Variants in ANKS1B observed in about 807,000 individuals in gnomAD.
ANKS1B encodes the protein ankyrin repeat and sterile alpha motif domain-containing protein 1B.
In ANKS1B, 36 loss-of-function variants were observed where a neutral mutation model predicts 148.3. That is an observed-to-expected ratio of 0.24 (90% confidence interval 0.19 to 0.32). ANKS1B has a LOEUF of 0.32. Ranked by LOEUF, ANKS1B falls within the 10% of genes least tolerant of loss-of-function variation. The pLI is 1.00. For missense variants in ANKS1B, 1,157 were observed against 1,542.6 expected, an observed-to-expected ratio of 0.75 and a Z score of 4.19; for synonymous variants, 542 against 560.8, an observed-to-expected ratio of 0.97 and a Z score of 0.47.
intron 9 of ANKS1B, among the ~76,000 whole-genome samples, chr12:99,624,988 A>C (rs1213596836): frequency 6.6e-6 from 1 of 152,168 alleles, no homozygotes; most frequent in Non-Finnish European, 1.5e-5. Context: ...AAAACATGGA[A>C]TCAACCCAGG....
Position 98,735,686 on chromosome 12 carries a change from G to A in ANKS1B, c.691-52C>T, listed in dbSNP as rs1260540958. 1.3e-5 allele frequency: 9 copies of A among 715,816 alleles called. No homozygotes were observed. In the African/African-American group the frequency reaches 1.4e-4, roughly 11 times the overall value. The allele number at this position is 715,816 out of a possible 1,614,324, so 44.3% of individuals were successfully genotyped here. On this transcript the variant is annotated intron_variant, in intron 9 of 9. Transcript: ENST00000341752. Reference sequence around the variant, plus strand: ...ATTCACTTAGTTTGTTCATGCATTTGTTTAATAAATATTGAGATGTACCAT... The same window carrying A: ...ATTCACTTAGTTTGTTCATGCATTTATTTAATAAATATTGAGATGTACCAT...
At chr12:98,902,684 C>G (rs571223024) in intron 17 of ANKS1B, among the ~76,000 whole-genome samples, 2 of 152,288 alleles carry the variant, frequency 1.3e-5, no homozygotes, top group South Asian at 4.1e-4. Flanking sequence ...ACCTCAGTTT[C>G]TGCATCTGTA....
intron 17 of ANKS1B, among the ~76,000 whole-genome samples, chr12:98,941,497 C>A (rs1267122413): frequency 2.6e-5 from 4 of 152,220 alleles, no homozygotes; most frequent in African/African-American, 9.6e-5. Flanking sequence ...GCCAACTCAA[C>A]CTTTTTGCTG....
intron 9 of ANKS1B, among the ~76,000 whole-genome samples, chr12:99,536,280 C>T (rs1048447487): frequency 6.6e-6 from 1 of 152,060 alleles, no homozygotes; most frequent in Non-Finnish European, 1.5e-5. Context: ...ATGTAGCACT[C>T]TGGTGGGGAT....
chr12:98,899,007 CCAT>C (rs936677313), intron 17 of ANKS1B, among the ~76,000 whole-genome samples: 121 of 152,214 alleles, frequency 7.9e-4, no homozygotes, highest in African/African-American at 2.8e-3. Context: ...ATCCAGGGGA[CCAT>C]GTTGAATATT....
intron 2 of ANKS1B, among the ~76,000 whole-genome samples, chr12:99,818,499 C>T (rs546137022): frequency 6.6e-6 from 1 of 151,788 alleles, no homozygotes; most frequent in African/African-American, 2.4e-5. Flanking sequence ...AGTTACATTG[C>T]TAATCAATAT....
Position 98,771,334 on chromosome 12 carries a change from ATT to A in ANKS1B, c.3579+1706_3579+1707del, listed in dbSNP as rs778548768. Among the ~76,000 whole-genome samples the A allele has an allele frequency of 2.2e-3, 316 of 141,246 alleles. 2 individuals carry two copies. The highest frequency in any genetic ancestry group is 7.7e-3 in the African/African-American group (295 of 38,554). 92.7% of individuals were successfully genotyped at this position (141,246 alleles called of 152,430 possible). ...AGGTGTACACCACCATGTCTGGCTA[ATT>A]TTTTTTTTTTTTTTTAATAGGGACA... On this transcript the variant is annotated intron_variant, in intron 25 of 26. Coordinates refer to ENST00000683438, the MANE Select transcript of ANKS1B (RefSeq NM_001352186.2).
At chr12:99,743,512 T>C (rs140662190) in intron 8 of ANKS1B, among the ~76,000 whole-genome samples, 5 of 152,314 alleles carry the variant, frequency 3.3e-5, no homozygotes, top group Non-Finnish European at 5.9e-5. Context: ...ACGTTAATCT[T>C]TTAAGGATAG....
At chr12:99,126,807 C>T (rs1419860771) in intron 15 of ANKS1B, among the ~76,000 whole-genome samples, 3 of 152,184 alleles carry the variant, frequency 2.0e-5, no homozygotes, top group Admixed American at 2.0e-4. Flanking sequence ...AGTTACTCTA[C>T]ATGATCTCTA....
chr12:99,505,516 G>T (rs1258517894), intron 9 of ANKS1B, among the ~76,000 whole-genome samples: 1 of 151,198 alleles, frequency 6.6e-6, no homozygotes, highest in Non-Finnish European at 1.5e-5. Flanking sequence ...CTAAAAATTA[G>T]AATTTATTTC....
intron 4 of ANKS1B, among the ~76,000 whole-genome samples, chr12:99,803,904 T>C (rs1363646936): frequency 6.6e-6 from 1 of 152,184 alleles, no homozygotes; most frequent in African/African-American, 2.4e-5. Context: ...ATTTATTATA[T>C]GTCATGGATG....
chr12:99,981,418 C>T (rs2095700888), intron 1 of ANKS1B, among the ~76,000 whole-genome samples: 1 of 152,004 alleles, frequency 6.6e-6, no homozygotes. Context: ...TCAGAAGCAT[C>T]TTCAGAAAAG....
At chr12:98,828,355 C>T (rs1467274830) in intron 19 of ANKS1B, among the ~76,000 whole-genome samples, 2 of 152,212 alleles carry the variant, frequency 1.3e-5, no homozygotes. Flanking sequence ...AAAGCAATTA[C>T]AGTCAAATTT....
chr12:99,478,201 T>C (rs1034866041), intron 10 of ANKS1B, among the ~76,000 whole-genome samples: 1 of 152,146 alleles, frequency 6.6e-6, no homozygotes, highest in African/African-American at 2.4e-5. Flanking sequence ...AGCTCTTTCA[T>C]AGGCCCCTCC....
intron 1 of ANKS1B, among the ~76,000 whole-genome samples, chr12:99,847,991 A>G (rs574453121): frequency 6.6e-6 from 1 of 152,178 alleles, no homozygotes; most frequent in Admixed American, 6.5e-5. Flanking sequence ...CAGTTTCTAG[A>G]ATGTATGGAA....
Position 99,205,065 on chromosome 12 carries a change from C to G in ANKS1B, c.2419+39277G>C, listed in dbSNP as rs116940692. Among the ~76,000 whole-genome samples, 679 of 152,156 alleles carry G rather than the reference C, an allele frequency of 4.5e-3. 27 individuals carry two copies. In the East Asian group the frequency reaches 0.085, roughly 19 times the overall value. ...ACTGAGCTCTTGTACCAGGCCCCCC[C>G]CAAAAAGAAAAACAAACCAAAATGG... On this transcript the variant is annotated intron_variant, in intron 14 of 26. Transcript: ENST00000683438.
At chr12:98,771,486 A>G (rs2153474696) in intron 25 of ANKS1B, among the ~76,000 whole-genome samples, 1 of 151,994 alleles carries the variant, frequency 6.6e-6, no homozygotes, top group African/African-American at 2.4e-5. Flanking sequence ...ACTTTTTTTA[A>G]AAATTGAGAC....
chr12:99,112,377 A>C (rs1276305821), intron 15 of ANKS1B, among the ~76,000 whole-genome samples: 1 of 152,034 alleles, frequency 6.6e-6, no homozygotes, highest in Non-Finnish European at 1.5e-5. Flanking sequence ...GATGCTTCAT[A>C]CATTTTATAT....
Position 99,246,744 on chromosome 12 carries a change from T to A in ANKS1B, c.1877A>T (p.Tyr626Phe). ...CESPENPFHL[Y>F]GKREQCEKGQ... ...TTTTTCACATTGTTCTCTTTTCCCA[T>A]AGAGATGAAATGGATTTTCAGGGGA... Residue 626 changes from tyrosine (Y) to phenylalanine (F), a missense_variant, in exon 13 of 27, where the codon TAT becomes TTT. Tyr to Phe is a conservative substitution (Grantham distance 22). Around this residue, in one of 6 missense-constraint regions of ANKS1B, gnomAD observed 661 missense variants for 642.1 expected, o/e 1.03. Coordinates refer to ENST00000683438, the MANE Select transcript of ANKS1B (RefSeq NM_001352186.2). 1 of 1,613,898 alleles carries A rather than the reference T, an allele frequency of 6.2e-7. No individual in the cohort carries two copies. The highest frequency in any genetic ancestry group is 8.5e-7 in the Non-Finnish European group (1 of 1,179,874).
Sources: gnomAD v4.1 joint callset for allele counts (sites outside exome capture counted in the v4.1 genomes callset) on GRCh38, gnomAD v4.1.1 for gene constraint, gnomAD v4.1.1 regional missense constraint, MANE v1.5 for transcripts, NCBI Gene and HGNC (gene_info 2026-07-23, HGNC 2026-07-21) for gene names.